Variants in ADGRL2 observed in about 807,000 individuals in gnomAD.
The protein encoded by ADGRL2 is adhesion G protein-coupled receptor L2.
Under a neutral mutation model 157.4 loss-of-function variants are expected in ADGRL2, and 44 were observed. The observed-to-expected ratio is 0.28, with a 90% CI of 0.22 to 0.36. The LOEUF is 0.36. Ranked by LOEUF, ADGRL2 falls within the 10% of genes least tolerant of loss-of-function variation. The pLI, the probability that ADGRL2 is intolerant of heterozygous loss-of-function variation, is 1.00. For synonymous variants in ADGRL2, 585 were observed against 624.7 expected, an observed-to-expected ratio of 0.94 and a Z score of 0.95; for missense variants, 1,510 against 1,768.9, an observed-to-expected ratio of 0.85 and a Z score of 2.63.
chr1:81,604,233 G>A (rs1323142360), intron 3 of ADGRL2, among the ~76,000 whole-genome samples: 4 of 152,162 alleles, frequency 2.6e-5, no homozygotes, highest in Non-Finnish European at 4.4e-5. Context: ...CCAAAGTGCT[G>A]GGATTACAGG....
intron 1 of ADGRL2, among the ~76,000 whole-genome samples, chr1:81,426,022 A>G (rs1201043199): frequency 1.3e-5 from 2 of 152,092 alleles, no homozygotes; most frequent in Non-Finnish European, 2.9e-5. Flanking sequence ...ATGCACCACC[A>G]CACCCAGCCA....
intron 2 of ADGRL2, among the ~76,000 whole-genome samples, chr1:81,777,219 C>A (rs1171821497): frequency 1.3e-5 from 2 of 152,020 alleles, no homozygotes; most frequent in East Asian, 3.9e-4. Context: ...TTATATTCTC[C>A]ATTATTCTAT....
intron 3 of ADGRL2, among the ~76,000 whole-genome samples, chr1:81,631,106 C>T (rs116069147): frequency 0.018 from 2,807 of 152,088 alleles, 75 homozygotes; most frequent in African/African-American, 0.065. Flanking sequence ...TCTACCTTTC[C>T]AATATGAGTC....
At chr1:81,443,832 A>T (rs898516378) in intron 1 of ADGRL2, among the ~76,000 whole-genome samples, 1 of 152,246 alleles carries the variant, frequency 6.6e-6, no homozygotes, top group Non-Finnish European at 1.5e-5. Flanking sequence ...ACTCCTTGTT[A>T]GGCAAATATT....
intron 2 of ADGRL2, among the ~76,000 whole-genome samples, chr1:81,900,894 C>A (rs2151622049): frequency 6.6e-6 from 1 of 152,050 alleles, no homozygotes; most frequent in African/African-American, 2.4e-5. Flanking sequence ...GAGGTGATAT[C>A]TAGGAGCCGA....
chr1:81,808,447 A>G (rs1283231624), intron 1 of ADGRL2, among the ~76,000 whole-genome samples: 1 of 149,014 alleles, frequency 6.7e-6, no homozygotes, highest in Admixed American at 6.8e-5. Flanking sequence ...TTAGATGCAG[A>G]GTTTTTTCTT....
intron 1 of ADGRL2, among the ~76,000 whole-genome samples, chr1:81,356,982 T>A (rs1203860794): frequency 8.7e-6 from 1 of 114,576 alleles, no homozygotes; most frequent in Non-Finnish European, 1.8e-5. Context: ...AAGAAGTTGT[T>A]TCCTTTTAAA....
intron 1 of ADGRL2, among the ~76,000 whole-genome samples, chr1:81,709,155 GT>G (rs1395668378): frequency 6.6e-6 from 1 of 152,076 alleles, no homozygotes; most frequent in Non-Finnish European, 1.5e-5. Context: ...GATTGAACAA[GT>G]TATCCTTATT....
chr1:81,787,528 G>A (rs553114472), intron 2 of ADGRL2, among the ~76,000 whole-genome samples: 22 of 152,030 alleles, frequency 1.4e-4, no homozygotes, highest in Non-Finnish European at 2.5e-4. Context: ...GGTGGCACAC[G>A]CTTGTAATCC....
In ADGRL2 at chr1:81,859,406, C is replaced by CTT. The variant is rs34509135; in HGVS notation, c.73+22366_73+22367dup. ...AAGTAAAATGACCATAGAATAAAACCTTTTTTTTTTTTTTTTTTGAGACAG... is the reference window on the plus strand; with the variant it reads ...AAGTAAAATGACCATAGAATAAAACCTTTTTTTTTTTTTTTTTTTTGAGACAG... On this transcript the variant is annotated intron_variant, in intron 2 of 23. Coordinates refer to ENST00000686636, the MANE Select transcript of ADGRL2 (RefSeq NM_001366006.2). Among the ~76,000 whole-genome samples, 338 of 124,868 alleles carry CTT rather than the reference C, an allele frequency of 2.7e-3. 1 individual carries two copies. Among genetic ancestry groups the CTT allele is most frequent in the African/African-American group, 3.6e-3 (120 of 33,096 alleles). The allele number at this position is 124,868 out of a possible 152,430, so 81.9% of individuals were successfully genotyped here.
At chr1:81,389,806 T>C (rs1396083382) in intron 1 of ADGRL2, among the ~76,000 whole-genome samples, 1 of 152,160 alleles carries the variant, frequency 6.6e-6, no homozygotes, top group Admixed American at 6.6e-5. Context: ...CTTGCATTTC[T>C]TGCAATGTGG....
chr1:81,767,762 C>T (rs2086188932), intron 2 of ADGRL2, among the ~76,000 whole-genome samples: 1 of 150,996 alleles, frequency 6.6e-6, no homozygotes, highest in African/African-American at 2.4e-5. Flanking sequence ...GTCCCAGCTA[C>T]CCGGGAGGCT....
At chr1:81,538,924 C>G (rs1391099557) in intron 2 of ADGRL2, among the ~76,000 whole-genome samples, 3 of 145,962 alleles carry the variant, frequency 2.1e-5, no homozygotes, top group Non-Finnish European at 3.0e-5. Context: ...TGGGGGATGG[C>G]TTGAGCCTGG....
chr1:81,792,375 G>T (rs2149422834), intron 2 of ADGRL2, among the ~76,000 whole-genome samples: 1 of 152,222 alleles, frequency 6.6e-6, no homozygotes, highest in Non-Finnish European at 1.5e-5. Context: ...GTGATGTCAA[G>T]GACAATGTAT....
At chr1:81,644,811 G>T (rs2082282890) in intron 3 of ADGRL2, among the ~76,000 whole-genome samples, 1 of 152,100 alleles carries the variant, frequency 6.6e-6, no homozygotes, top group Admixed American at 6.5e-5. Context: ...GTATAGGAAG[G>T]TATATGTAAA....
intron 2 of ADGRL2, among the ~76,000 whole-genome samples, chr1:81,779,895 C>A (rs1174664409): frequency 6.6e-6 from 1 of 152,190 alleles, no homozygotes; most frequent in Non-Finnish European, 1.5e-5. Context: ...CAAGGCCGGT[C>A]AAGAAATTGT....
chr1:81,709,327 G>A (rs1434604209), intron 1 of ADGRL2, among the ~76,000 whole-genome samples: 1 of 152,038 alleles, frequency 6.6e-6, no homozygotes, highest in Non-Finnish European at 1.5e-5. Flanking sequence ...TTAGCTCTTG[G>A]GTATAGTATG....
chr1:81,871,913 A>T (rs1197073243), intron 2 of ADGRL2, among the ~76,000 whole-genome samples: 2 of 152,028 alleles, frequency 1.3e-5, no homozygotes, highest in Non-Finnish European at 2.9e-5. Context: ...TTTCTTTTGC[A>T]GTGCAGAAGC....
At chr1:81,501,700 C>A (rs1218821529) in intron 2 of ADGRL2, 3 of 1,593,914 alleles carry the variant, frequency 1.9e-6, no homozygotes, top group Non-Finnish European at 2.6e-6. Context: ...CAGGTTTAGA[C>A]CCAGTGTGCC....
Sources: allele counts gnomAD v4.1 joint callset (sites outside exome capture counted in the v4.1 genomes callset), GRCh38; gene constraint gnomAD v4.1.1; transcripts MANE v1.5; gene names NCBI Gene and HGNC (gene_info 2026-07-23, HGNC 2026-07-21).